The following RGS6 variants were observed in gnomAD, a reference collection of about 807,000 sequenced individuals.
The protein encoded by RGS6 is regulator of G protein signaling 6.
In RGS6, 30 loss-of-function variants were observed where a neutral mutation model predicts 78.5. That is an observed-to-expected ratio of 0.38 (90% confidence interval 0.29 to 0.52). The LOEUF is 0.52. RGS6 is among the 20% of genes least tolerant of loss of function. RGS6 has a pLI of 0.85. For missense variants in RGS6, 495 were observed against 609.7 expected, an observed-to-expected ratio of 0.81 and a Z score of 1.98; for synonymous variants, 206 against 206.0, an observed-to-expected ratio of 1.00 and a Z score of 0.00.
At chr14:72,586,953 C>T in the RGS6 span, among the ~76,000 whole-genome samples, 1 of 152,136 alleles carries the variant, frequency 6.6e-6, no homozygotes, top group Non-Finnish European at 1.5e-5. Flanking sequence ...AAGATACTCT[C>T]ATGAACTCAT....
chr14:71,964,883 G>A lies in RGS6; in HGVS notation c.84+8G>A, dbSNP rs747793844. The A allele has an allele frequency of 8.1e-6, 13 of 1,611,064 alleles. No homozygotes were observed. Among genetic ancestry groups the A allele is most frequent in the Middle Eastern group, 3.3e-4 (2 of 6,032 alleles). ...ATGATCGTTTACTGCAAAGTAAGGC[G>A]CCTGGTCAAGTGCCGTGCGTGCTGT... is the stretch of plus-strand genomic sequence containing the variant. On this transcript the variant is annotated splice_region_variant and intron_variant, in intron 2 of 17. Transcript: ENST00000553525.
At chr14:71,880,074 T>C in the RGS6 span, among the ~76,000 whole-genome samples, 4 of 152,210 alleles carry the variant, frequency 2.6e-5, no homozygotes, top group African/African-American at 9.7e-5. Context: ...AAGGTGGCTC[T>C]TGTTATGTTT....
chr14:72,238,770 C>G (rs566140010), intron 2 of RGS6, among the ~76,000 whole-genome samples: 5 of 152,268 alleles, frequency 3.3e-5, no homozygotes, highest in Admixed American at 2.6e-4. Context: ...GCTCTGGGAT[C>G]ATGAAAACCA....
At chr14:71,953,969 G>GTGTTT (rs1555399151) in intron 1 of RGS6, among the ~76,000 whole-genome samples, 2 of 76,086 alleles carry the variant, frequency 2.6e-5, no homozygotes, top group Non-Finnish European at 4.6e-5. Context: ...CTAAGTGGGC[G>GTGTTT]TTTTTTTTTT....
chr14:72,061,737 GGAATGA>G (rs1784079037), intron 2 of RGS6, among the ~76,000 whole-genome samples: 1 of 152,138 alleles, frequency 6.6e-6, no homozygotes, highest in African/African-American at 2.4e-5. Flanking sequence ...CATGGGAAAT[GGAATGA>G]GAATATTTAT....
At chr14:72,276,645 A>G (rs944372362) in intron 2 of RGS6, among the ~76,000 whole-genome samples, 8 of 152,104 alleles carry the variant, frequency 5.3e-5, no homozygotes, top group African/African-American at 1.9e-4. Context: ...GTAGTGAATA[A>G]GTCTCATGAG....
intron 2 of RGS6, among the ~76,000 whole-genome samples, chr14:72,344,174 C>T (rs1176113517): frequency 3.3e-5 from 5 of 152,012 alleles, no homozygotes; most frequent in Admixed American, 3.3e-4. Flanking sequence ...TTCTTGTCTG[C>T]TTTTTTCTCC....
chr14:72,483,726 G>A (rs960713952), intron 12 of RGS6, among the ~76,000 whole-genome samples: 3 of 151,772 alleles, frequency 2.0e-5, no homozygotes, highest in African/African-American at 7.2e-5. Context: ...AAAAAAAAAA[G>A]ACCGGAGGTA....
At chr14:72,501,458 T>C (rs551574192) in intron 13 of RGS6, among the ~76,000 whole-genome samples, 1 of 152,268 alleles carries the variant, frequency 6.6e-6, no homozygotes, top group African/African-American at 2.4e-5. Flanking sequence ...TGCAACATAG[T>C]GAGCTGTGAT....
the RGS6 span, among the ~76,000 whole-genome samples, chr14:71,888,365 C>T: frequency 2.3e-5 from 3 of 127,752 alleles, no homozygotes; most frequent in Non-Finnish European, 5.5e-5. Context: ...TTGCAGTGAG[C>T]CGAGACCCTG....
At chr14:72,547,974 G>A (rs2097433617) in intron 17 of RGS6, among the ~76,000 whole-genome samples, 1 of 152,140 alleles carries the variant, frequency 6.6e-6, no homozygotes, top group Non-Finnish European at 1.5e-5. Flanking sequence ...GCACAAGAAG[G>A]GTGAAAGCAA....
At chr14:72,202,259 T>C (rs1324310537) in intron 2 of RGS6, among the ~76,000 whole-genome samples, 4 of 152,184 alleles carry the variant, frequency 2.6e-5, no homozygotes, top group African/African-American at 7.2e-5. Flanking sequence ...GCTGAGACCA[T>C]GCATCAACCC....
intron 2 of RGS6, among the ~76,000 whole-genome samples, chr14:72,325,444 A>G (rs1383164691): frequency 6.6e-6 from 1 of 152,048 alleles, no homozygotes; most frequent in Admixed American, 6.5e-5. Context: ...TATGTCCTGA[A>G]TGGTATTGCC....
intron 2 of RGS6, among the ~76,000 whole-genome samples, chr14:72,179,755 G>C (rs374754364): frequency 6.7e-6 from 1 of 150,112 alleles, no homozygotes; most frequent in African/African-American, 2.5e-5. Flanking sequence ...CTCAAAGTGT[G>C]GTCCCAAAAC....
At chr14:72,129,862 G>C (rs972866507) in intron 2 of RGS6, among the ~76,000 whole-genome samples, 31 of 152,164 alleles carry the variant, frequency 2.0e-4, no homozygotes, top group African/African-American at 7.2e-4. Context: ...CCCACCTCAT[G>C]ATGAGGCACC....
At chr14:72,314,056 T>G (rs1409673607) in intron 2 of RGS6, among the ~76,000 whole-genome samples, 1 of 152,238 alleles carries the variant, frequency 6.6e-6, no homozygotes, top group African/African-American at 2.4e-5. Context: ...TCTGTGGGTT[T>G]GGGTATGCTA....
At chr14:71,994,222 C>T (rs546856030) in intron 2 of RGS6, among the ~76,000 whole-genome samples, 63 of 152,070 alleles carry the variant, frequency 4.1e-4, no homozygotes, top group African/African-American at 1.3e-3. Flanking sequence ...CTCAGTCTCC[C>T]GCTGTTAGAA....
intron 2 of RGS6, among the ~76,000 whole-genome samples, chr14:72,155,060 G>T (rs966654911): frequency 2.6e-5 from 4 of 152,232 alleles, no homozygotes; most frequent in Non-Finnish European, 5.9e-5. Context: ...ATGCCTCATT[G>T]CTGGCTTTCT....
intron 2 of RGS6, among the ~76,000 whole-genome samples, chr14:71,990,188 G>A (rs923995438): frequency 6.6e-6 from 1 of 150,376 alleles, no homozygotes; most frequent in Non-Finnish European, 1.5e-5. Flanking sequence ...CATTCATGAG[G>A]GTTCTACGCC....
Sources: gnomAD v4.1 joint callset for allele counts (sites outside exome capture counted in the v4.1 genomes callset) on GRCh38, gnomAD v4.1.1 for gene constraint, MANE v1.5 for transcripts, NCBI Gene and HGNC (gene_info 2026-07-23, HGNC 2026-07-21) for gene names.